The following VCF1 variants were observed in gnomAD, a reference collection of about 807,000 sequenced individuals.
The protein encoded by VCF1 is VCP nuclear cofactor family member 1, also known as protein VCF1.
At chr17:73,230,248 A>G in the VCF1 span, among the ~76,000 whole-genome samples, 2 of 151,996 alleles carry the variant, frequency 1.3e-5, no homozygotes, top group Admixed American at 6.6e-5. Flanking sequence ...GTGAGGCATG[A>G]TGGGGCCACT....
At chr17:73,224,091 G>A in the VCF1 span, among the ~76,000 whole-genome samples, 2 of 147,530 alleles carry the variant, frequency 1.4e-5, no homozygotes, top group Non-Finnish European at 3.0e-5. Context: ...GGGATGAGAA[G>A]GTAGGGGAGA....
At chr17:73,225,678 AAT>A in the VCF1 span, among the ~76,000 whole-genome samples, 9 of 151,796 alleles carry the variant, frequency 5.9e-5, no homozygotes, top group African/African-American at 1.9e-4. Flanking sequence ...TCTTTTAATG[AAT>A]AGTCTTACAA....
chr17:73,221,758 G>A, the VCF1 span, among the ~76,000 whole-genome samples: 7 of 152,108 alleles, frequency 4.6e-5, no homozygotes, highest in African/African-American at 7.2e-5. Flanking sequence ...CAGGTGGGCC[G>A]GGCGCGGTGG....
chr17:73,209,659 G>C, the VCF1 span: 1 of 1,553,000 alleles, frequency 6.4e-7, no homozygotes, highest in Non-Finnish European at 8.7e-7. Flanking sequence ...GTTAGGGCTG[G>C]ATCCGGCCAT....
At chr17:73,212,873 T>G in the VCF1 span, 3 of 525,242 alleles carry the variant, frequency 5.7e-6, no homozygotes, top group Non-Finnish European at 9.9e-6. Context: ...TTAAACAGAT[T>G]AGGGAAGATT....
chr17:73,216,662 G>A, the VCF1 span, among the ~76,000 whole-genome samples: 1 of 152,108 alleles, frequency 6.6e-6, no homozygotes, highest in Admixed American at 6.5e-5. Flanking sequence ...AGAATATAGA[G>A]CAAAAAGGCA....
At chr17:73,232,242 G>A in the VCF1 span, 23 of 1,611,778 alleles carry the variant, frequency 1.4e-5, no homozygotes, top group Non-Finnish European at 1.4e-5. Context: ...CGCAGCCGGT[G>A]GCGAGTACCC....
At chr17:73,219,374 G>A in the VCF1 span, among the ~76,000 whole-genome samples, 1 of 151,390 alleles carries the variant, frequency 6.6e-6, no homozygotes, top group Non-Finnish European at 1.5e-5. Flanking sequence ...ATCTCGGCTG[G>A]GCGCGGTGGC....
chr17:73,228,227 A>G, the VCF1 span, among the ~76,000 whole-genome samples: 1 of 152,224 alleles, frequency 6.6e-6, no homozygotes, highest in African/African-American at 2.4e-5. Flanking sequence ...CTGTATGTAC[A>G]TGGCAGCAGC....
chr17:73,208,100 C>A, the VCF1 span: 1 of 1,446,554 alleles, frequency 6.9e-7, no homozygotes, highest in South Asian at 1.4e-5. Flanking sequence ...CAAGACAGTC[C>A]TCATTTCCAA....
the VCF1 span, chr17:73,232,245 G>C: frequency 2.5e-5 from 40 of 1,611,766 alleles, no homozygotes; most frequent in East Asian, 1.6e-4. Context: ...AGCCGGTGGC[G>C]AGTACCCCTC....
the VCF1 span, chr17:73,207,805 T>C: frequency 7.8e-7 from 1 of 1,285,024 alleles, no homozygotes; most frequent in Non-Finnish European, 1.0e-6. Context: ...TCTTACAGCA[T>C]CGAGTTGTTT....
At chr17:73,214,316 T>C in the VCF1 span, among the ~76,000 whole-genome samples, 2 of 143,712 alleles carry the variant, frequency 1.4e-5, no homozygotes, top group Non-Finnish European at 3.0e-5. Context: ...CAACCAGCAT[T>C]AAAAAAAAAA....
the VCF1 span, among the ~76,000 whole-genome samples, chr17:73,210,800 A>G: frequency 7.3e-6 from 1 of 137,852 alleles, no homozygotes; most frequent in African/African-American, 2.8e-5. Flanking sequence ...AGATCTCGCT[A>G]TGTTGCTCAG....
chr17:73,220,950 G>A, the VCF1 span, among the ~76,000 whole-genome samples: 3 of 135,418 alleles, frequency 2.2e-5, no homozygotes, highest in Non-Finnish European at 4.6e-5. Flanking sequence ...CCAGTCTGGA[G>A]TGCAGTGGTG....
the VCF1 span, chr17:73,207,474 T>C: frequency 1.5e-6 from 1 of 664,270 alleles, no homozygotes; most frequent in Non-Finnish European, 2.7e-6. Flanking sequence ...AGTAGCCTCT[T>C]AATAGAAATG....
At chr17:73,224,263 C>CAAA in the VCF1 span, among the ~76,000 whole-genome samples, 1,275 of 102,798 alleles carry the variant, frequency 0.012, 93 homozygotes, top group East Asian at 0.026. Flanking sequence ...GTCGTCTCTC[C>CAAA]AAAAAAAAAA....
At chr17:73,232,328 C>T in the VCF1 span, 1 of 1,549,004 alleles carries the variant, frequency 6.5e-7, no homozygotes, top group Non-Finnish European at 8.7e-7. Context: ...CGTGGTACCG[C>T]CCTCTCGCGG....
At chr17:73,208,495 T>G in the VCF1 span, 8 of 1,602,496 alleles carry the variant, frequency 5.0e-6, no homozygotes, top group Non-Finnish European at 6.8e-6. Context: ...ACTACCACAT[T>G]ATTTCTTCTA....
Sources: gnomAD v4.1 joint callset for allele counts (sites outside exome capture counted in the v4.1 genomes callset) on GRCh38, gnomAD v4.1.1 for gene constraint, MANE v1.5 for transcripts, NCBI Gene and HGNC (gene_info 2026-07-23, HGNC 2026-07-21) for gene names.